The following ZCCHC2 variants were observed in gnomAD, a reference collection of about 807,000 sequenced individuals.
The protein encoded by ZCCHC2 is zinc finger CCHC-type containing 2.
In ZCCHC2, 39 loss-of-function variants were observed where a neutral mutation model predicts 103.6. The observed-to-expected ratio is 0.38, with a 90% CI of 0.29 to 0.49. The LOEUF is 0.49. Among genes scored for constraint, ZCCHC2 ranks in the 20% least tolerant of loss-of-function variants. The pLI, the probability that ZCCHC2 is intolerant of heterozygous loss-of-function variation, is 0.96. For synonymous variants in ZCCHC2, 687 were observed against 608.9 expected (o/e 1.13, Z -1.89); for missense variants, 1,483 against 1,491.0 (o/e 0.99, Z 0.09).
At position 62,570,787 on chromosome 18, in the gene ZCCHC2, C is replaced by T. The variant is rs141953383; in HGVS notation, c.1975+556C>T. Among the ~76,000 whole-genome samples the T allele has an allele frequency of 6.6e-3, 1,000 of 152,212 alleles. 7 individuals carry two copies. The highest frequency in any genetic ancestry group is 0.023 in the African/African-American group (952 of 41,526). On this transcript the variant is annotated intron_variant, in intron 12 of 13. Coordinates refer to ENST00000269499, the MANE Select transcript of ZCCHC2 (RefSeq NM_017742.6). The stretch of plus-strand genomic sequence containing the variant: ...TATAGTTAGATTATGGTTTTTTATT[C>T]ATTCTGCCGATCTCTGCTATTTGTC...
intron 1 of ZCCHC2, among the ~76,000 whole-genome samples, chr18:62,537,707 C>CTTGTGGCTA (rs1914990264): frequency 1.3e-5 from 2 of 152,132 alleles, no homozygotes; most frequent in South Asian, 4.1e-4. Context: ...GAGTTTACAC[C>CTTGTGGCTA]TTGTGGCTAT....
rs1279273144 is a variant in ZCCHC2 at position 62,524,391 on chromosome 18, C to G, written c.939+28C>G. ...AAGGCGCACGGAGCCTCCCTGGACT[C>G]GCGGTGCGATCGCTGCCCCGGCGGC... On this transcript the variant is annotated intron_variant, in intron 1 of 13. Coordinates refer to ENST00000269499, the MANE Select transcript of ZCCHC2 (RefSeq NM_017742.6). 9.0e-6 allele frequency: 13 copies of G among 1,443,840 alleles called. No homozygotes were observed. The East Asian group carries it at 3.6e-4, about 40-fold the overall frequency. The allele number at this position is 1,443,840 out of a possible 1,614,324, so 89.4% of individuals were successfully genotyped here.
chr18:62,535,634 G>A (rs1421215678), intron 1 of ZCCHC2, among the ~76,000 whole-genome samples: 2 of 152,124 alleles, frequency 1.3e-5, no homozygotes, highest in Non-Finnish European at 2.9e-5. Context: ...TGTCTCATGT[G>A]GTGTCTCAGG....
chr18:62,540,066 T>TG (rs1915109261), intron 2 of ZCCHC2, among the ~76,000 whole-genome samples: 1 of 152,200 alleles, frequency 6.6e-6, no homozygotes. Flanking sequence ...TGCATGCTTC[T>TG]GGGGGGCAGA....
chr18:62,537,336 A>C (rs1202388940), intron 1 of ZCCHC2, among the ~76,000 whole-genome samples: 6 of 152,120 alleles, frequency 3.9e-5, no homozygotes, highest in Non-Finnish European at 8.8e-5. Flanking sequence ...TGGCTAACAA[A>C]AAAAAAAAAT....
At position 62,524,363 on chromosome 18, in the gene ZCCHC2, G is replaced by A; in HGVS notation, c.939G>A (p.Gln313=). The A allele has an allele frequency of 6.6e-7, 1 of 1,512,418 alleles. No individual in the cohort carries two copies. Among genetic ancestry groups the A allele is most frequent in the Non-Finnish European group, 8.8e-7 (1 of 1,132,926 alleles). The allele number at this position is 1,512,418 out of a possible 1,614,324, so 93.7% of individuals were successfully genotyped here. A position where few individuals can be genotyped will look rare whatever the true frequency, so the allele number is the denominator to read the frequency against. Residue 313 remains glutamine (Q), a splice_region_variant and synonymous_variant, in exon 1 of 14, where the codon CAG becomes CAA. Coordinates refer to ENST00000269499, the MANE Select transcript of ZCCHC2 (RefSeq NM_017742.6). Reference sequence around the variant, plus strand: ...GCAAGTTTGCCGGCCCCAGGGCCCAGGTAAGGCGCACGGAGCCTCCCTGGA... The same window carrying A: ...GCAAGTTTGCCGGCCCCAGGGCCCAAGTAAGGCGCACGGAGCCTCCCTGGA... ...EPCKFAGPRA[Q]NNSAHGDYMQ...
chr18:62,532,141 G>T (rs193010454), intron 1 of ZCCHC2, among the ~76,000 whole-genome samples: 1 of 152,336 alleles, frequency 6.6e-6, no homozygotes, highest in Admixed American at 6.5e-5. Flanking sequence ...GCGCACGTGC[G>T]CCCTTATGGT....
chr18:62,537,687 G>A (rs956014076), intron 1 of ZCCHC2, among the ~76,000 whole-genome samples: 6 of 152,182 alleles, frequency 3.9e-5, no homozygotes, highest in Non-Finnish European at 5.9e-5. Context: ...TTCATCCATT[G>A]ATGGGTTTTG....
intron 10 of ZCCHC2, 130 bp downstream of exon 10, chr18:62,564,765 G>T: frequency 1.3e-6 from 1 of 796,918 alleles, no homozygotes; most frequent in Middle Eastern, 3.6e-4. Context: ...TTACTCTTTT[G>T]GTTCAAAATA....
chr18:62,531,852 A>ACTACTCAGGAGGCTCCAG lies in ZCCHC2; in HGVS notation c.939+7498_939+7515dup, dbSNP rs1354841108. On this transcript the variant is annotated intron_variant, in intron 1 of 13. Transcript: ENST00000269499. ...GTGGAGGCAAGTACCTGTAGTCCCA[A>ACTACTCAGGAGGCTCCAG]CTACTCAGGAGGCTCCAGCTACTCA... 4.6e-5 allele frequency among the ~76,000 whole-genome samples: 7 copies of ACTACTCAGGAGGCTCCAG among 151,878 alleles called. No homozygotes were observed. In the East Asian group the frequency reaches 1.2e-3, roughly 25 times the overall value.
At chr18:62,545,577 AT>A (rs1915375876) in intron 4 of ZCCHC2, among the ~76,000 whole-genome samples, 1 of 152,200 alleles carries the variant, frequency 6.6e-6, no homozygotes, top group Non-Finnish European at 1.5e-5. Flanking sequence ...TTTTATACTA[AT>A]CTGATTTTAT....
intron 1 of ZCCHC2, among the ~76,000 whole-genome samples, chr18:62,538,935 TAAAG>T (rs1412263767): frequency 2.0e-5 from 3 of 152,172 alleles, no homozygotes; most frequent in Admixed American, 6.5e-5. Flanking sequence ...ATTCTGCACA[TAAAG>T]GGAGGGGATA....
At chr18:62,572,702 T>A (rs1279051514) in intron 12 of ZCCHC2, among the ~76,000 whole-genome samples, 1 of 152,194 alleles carries the variant, frequency 6.6e-6, no homozygotes, top group Non-Finnish European at 1.5e-5. Flanking sequence ...AGTCTCAGGA[T>A]GCTTAGAAAA....
chr18:62,550,964 G>C lies in ZCCHC2; in HGVS notation c.1313+504G>C, dbSNP rs555521477. ...TGGGAAAGATGCGCTTAGATGAGAT[G>C]ATCTTGGATTAATTCCCGGAGCCTC... On this transcript the variant is annotated intron_variant, in intron 5 of 13. Transcript: ENST00000269499. Among the ~76,000 whole-genome samples the C allele has an allele frequency of 5.7e-4, 87 of 152,256 alleles. 1 individual carries two copies. Among genetic ancestry groups the C allele is most frequent in the African/African-American group, 1.9e-3 (81 of 41,550 alleles).
In ZCCHC2 at chr18:62,523,930, T is replaced by C; in HGVS notation, c.506T>C (p.Val169Ala). The change falls in exon 1 of 14, where the codon GTG becomes GCG. Residue 169 changes from valine (V) to alanine (A), a missense_variant. By Grantham distance (64) the Val-to-Ala change is moderately conservative. Around this residue, in one of 3 missense-constraint regions of ZCCHC2, gnomAD observed 568 missense variants for 525.1 expected, o/e 1.08. Coordinates refer to ENST00000269499, the MANE Select transcript of ZCCHC2 (RefSeq NM_017742.6). Reference protein sequence around the residue: ...GPLADFREPAVRSRLIVYLAL... With the variant: ...GPLADFREPAARSRLIVYLAL... ...CTGGCCGACTTCCGAGAGCCCGCGG[T>C]GCGCTCGCGCCTCATCGTCTACCTG... is the stretch of plus-strand genomic sequence containing the variant. 1 of 1,529,578 alleles carries C rather than the reference T, an allele frequency of 6.5e-7. No homozygotes were observed. Among genetic ancestry groups the C allele is most frequent in the Non-Finnish European group, 8.8e-7 (1 of 1,141,974 alleles). The allele number at this position is 1,529,578 out of a possible 1,614,324, so 94.8% of individuals were successfully genotyped here.
exon 15 of ZCCHC2, chr18:62,586,103 T>TC (rs1179089601): frequency 1.4e-5 from 2 of 144,496 alleles, no homozygotes; most frequent in East Asian, 2.0e-4. Flanking sequence ...GAACTTGCCT[T>TC]TTTTTTTTTT....
intron 11 of ZCCHC2, among the ~76,000 whole-genome samples, chr18:62,568,809 G>C (rs1351025757): frequency 7.2e-5 from 11 of 152,168 alleles, no homozygotes; most frequent in Non-Finnish European, 1.3e-4. Context: ...TTATATGCAA[G>C]ACTCATGCAA....
At chr18:62,552,043 A>G (rs1915686999) in intron 5 of ZCCHC2, 1 of 152,126 alleles carries the variant, frequency 6.6e-6, no homozygotes, top group Non-Finnish European at 1.5e-5. Context: ...TTTGCTCCCC[A>G]GTGGAGACAA....
chr18:62,572,373 G>A (rs1240664955), intron 12 of ZCCHC2, among the ~76,000 whole-genome samples: 2 of 152,208 alleles, frequency 1.3e-5, no homozygotes, highest in Non-Finnish European at 2.9e-5. Flanking sequence ...CTGTACACTT[G>A]GGTAATGACA....
Sources: gnomAD v4.1 joint callset for allele counts (sites outside exome capture counted in the v4.1 genomes callset) on GRCh38, gnomAD v4.1.1 for gene constraint, gnomAD v4.1.1 regional missense constraint, MANE v1.5 for transcripts, NCBI Gene and HGNC (gene_info 2026-07-23, HGNC 2026-07-21) for gene names.